The following CFAP97D2 variants were observed in gnomAD, a reference collection of about 807,000 sequenced individuals.
CFAP97D2 encodes uncharacterized protein CFAP97D2.
At chr13:114,198,578 A>G (rs2080898115) in intron 2 of CFAP97D2, among the ~76,000 whole-genome samples, 1 of 152,118 alleles carries the variant, frequency 6.6e-6, no homozygotes, top group African/African-American at 2.4e-5. Context: ...ACTCTCACTT[A>G]CTCCACCCAA....
rs188528253 is a variant in CFAP97D2, at chr13:114,190,110, C to G, written c.91-6286C>G. 1.1e-4 allele frequency among the ~76,000 whole-genome samples: 17 copies of G among 152,046 alleles called. No individual in the cohort carries two copies. In the East Asian group the frequency reaches 3.3e-3, roughly 29 times the overall value. On this transcript the variant is annotated intron_variant, in intron 1 of 4. Coordinates refer to ENST00000646158, the Ensembl canonical transcript of CFAP97D2. ...TGAGCTATGATTGCATCACTGCACT[C>G]CAACCTGGAAGACAGAGGGAGGCCC...
intron 1 of CFAP97D2, among the ~76,000 whole-genome samples, chr13:114,192,755 A>G (rs376951949): frequency 6.1e-4 from 93 of 152,348 alleles, no homozygotes; most frequent in African/African-American, 2.1e-3. Context: ...TCTGAAGCAC[A>G]CTTTAAATAA....
chr13:114,212,046 G>A, exon 4 of CFAP97D2: 2 of 398,678 alleles, frequency 5.0e-6, no homozygotes, highest in Non-Finnish European at 8.8e-6. Flanking sequence ...GGGCTGAGAA[G>A]TCCCGGGTGC....
At chr13:114,212,549 T>C (rs1010807797) in intron 4 of CFAP97D2, among the ~76,000 whole-genome samples, 6 of 150,034 alleles carry the variant, frequency 4.0e-5, no homozygotes, top group African/African-American at 1.5e-4. Context: ...CCACTGTCTC[T>C]ATTAAAAAAA....
chr13:114,188,217 A>G (rs1171558300), intron 1 of CFAP97D2, among the ~76,000 whole-genome samples: 9 of 151,478 alleles, frequency 5.9e-5, no homozygotes, highest in Non-Finnish European at 1.2e-4. Context: ...GAGAAGTTTC[A>G]GCTATGATCA....
intron 4 of CFAP97D2, among the ~76,000 whole-genome samples, chr13:114,220,772 G>T (rs1233459392): frequency 6.6e-6 from 1 of 152,222 alleles, no homozygotes; most frequent in Non-Finnish European, 1.5e-5. Flanking sequence ...ACTCAGTGCA[G>T]GTTGACACAG....
intron 3 of CFAP97D2, among the ~76,000 whole-genome samples, chr13:114,205,172 A>G (rs1350809272): frequency 6.6e-6 from 1 of 152,246 alleles, no homozygotes; most frequent in Non-Finnish European, 1.5e-5. Flanking sequence ...ACAGATAAGA[A>G]GGAGTGTTGG....
At chr13:114,195,382 T>A (rs560898360) in intron 1 of CFAP97D2, among the ~76,000 whole-genome samples, 1 of 152,298 alleles carries the variant, frequency 6.6e-6, no homozygotes, top group African/African-American at 2.4e-5. Flanking sequence ...TCGCTGCATC[T>A]TCTCCACCCT....
rs1266328447 is a variant in CFAP97D2 at position 114,207,239 on chromosome 13, T to C, written c.291-4673T>C. Reference sequence around the variant, plus strand: ...GCAAACCAGAAAGTATCTAGACAGGTCTCAAACAATCTAGGGGTTTATTTG... The same window carrying C: ...GCAAACCAGAAAGTATCTAGACAGGCCTCAAACAATCTAGGGGTTTATTTG... On this transcript the variant is annotated intron_variant, in intron 3 of 4. Transcript: ENST00000646158. The surrounding 1 kb of genome is among the most constrained non-coding windows in gnomAD (Gnocchi z 4.9). Among the ~76,000 whole-genome samples, 2 of 152,124 alleles carry C rather than the reference T, an allele frequency of 1.3e-5. No individual in the cohort carries two copies. Among genetic ancestry groups the C allele is most frequent in the Admixed American group, 6.5e-5 (1 of 15,280 alleles).
chr13:114,213,388 C>A (rs1359008122), intron 4 of CFAP97D2, among the ~76,000 whole-genome samples: 4 of 146,804 alleles, frequency 2.7e-5, no homozygotes, highest in African/African-American at 1.0e-4. Context: ...GCTCTAGGAT[C>A]ACGAATCCCA....
At chr13:114,195,989 A>G (rs1282213586) in intron 1 of CFAP97D2, among the ~76,000 whole-genome samples, 1 of 149,368 alleles carries the variant, frequency 6.7e-6, no homozygotes, top group Non-Finnish European at 1.5e-5. Flanking sequence ...AGGCTGAGGC[A>G]GGAGAATGGC....
At chr13:114,180,120 C>T (rs887450389) in intron 1 of CFAP97D2, among the ~76,000 whole-genome samples, 4 of 152,260 alleles carry the variant, frequency 2.6e-5, no homozygotes, top group African/African-American at 7.2e-5. Flanking sequence ...CTTCTGCCCA[C>T]ACCTCAGTGG....
chr13:114,205,518 T>G (rs959095384), intron 3 of CFAP97D2, among the ~76,000 whole-genome samples: 2 of 152,248 alleles, frequency 1.3e-5, no homozygotes, highest in Non-Finnish European at 2.9e-5. Flanking sequence ...AGTTTGCTTC[T>G]TCTTTCCCAA....
At chr13:114,196,076 CAAAAA>C (rs57315285) in intron 1 of CFAP97D2, among the ~76,000 whole-genome samples, 32 of 100,938 alleles carry the variant, frequency 3.2e-4, no homozygotes, top group African/African-American at 7.1e-4. Flanking sequence ...GAGCGAGACT[CAAAAA>C]AAAAAAAAAA....
At chr13:114,200,268 G>A (rs2080911245) in intron 2 of CFAP97D2, 57 bp from the exon 3 acceptor site, 2 of 398,156 alleles carry the variant, frequency 5.0e-6, no homozygotes, top group East Asian at 3.6e-5. Context: ...GAAACGTGGC[G>A]TGAGGAAGAG....
chr13:114,216,844 TA>T (rs2080995941), intron 4 of CFAP97D2, among the ~76,000 whole-genome samples: 1 of 152,364 alleles, frequency 6.6e-6, no homozygotes, highest in South Asian at 2.1e-4. Flanking sequence ...TTTCTAGTTC[TA>T]GATCCTTGAG....
At chr13:114,198,651 G>C (rs1462634166) in intron 2 of CFAP97D2, among the ~76,000 whole-genome samples, 1 of 147,000 alleles carries the variant, frequency 6.8e-6, no homozygotes, top group Non-Finnish European at 1.5e-5. Context: ...GCGCGTCCCC[G>C]TGTTTACGGT....
chr13:114,191,138 T>C (rs924831572), intron 1 of CFAP97D2, among the ~76,000 whole-genome samples: 1 of 151,880 alleles, frequency 6.6e-6, no homozygotes, highest in Non-Finnish European at 1.5e-5. Flanking sequence ...TAGAAAATAA[T>C]ATAAGAGAAC....
In CFAP97D2 at chr13:114,211,742, C is replaced by T. The variant is rs2080967365; in HGVS notation, c.291-170C>T. 6.6e-6 allele frequency among the ~76,000 whole-genome samples: 1 copy of T among 152,248 alleles called. No homozygotes were observed. Among genetic ancestry groups the T allele is most frequent in the Admixed American group, 6.5e-5 (1 of 15,288 alleles). On this transcript the variant is annotated intron_variant, in intron 3 of 4. Transcript: ENST00000646158. The surrounding 1 kb of genome is among the most constrained non-coding windows in gnomAD (Gnocchi z 4.2). ...CCTTCGCTCCTCTCTGAGCCAGCAG[C>T]TCCCACTCCAGCACCTGGAGAACCG... is the stretch of plus-strand genomic sequence containing the variant.
Sources: allele counts gnomAD v4.1 joint callset (sites outside exome capture counted in the v4.1 genomes callset), GRCh38; gene constraint gnomAD v4.1.1; non-coding constraint Gnocchi (gnomAD v3.1); transcripts MANE v1.5; gene names NCBI Gene and HGNC (gene_info 2026-07-23, HGNC 2026-07-21).